Variants in PM20D2 observed in about 807,000 individuals in gnomAD.
PM20D2 encodes xaa-Arg dipeptidase.
In PM20D2, 33 loss-of-function variants were observed where a neutral mutation model predicts 42.9. The ratio of observed to expected loss-of-function variants is 0.77; its 90% CI spans 0.58 to 1.03. The LOEUF is 1.03. Among genes scored for constraint, PM20D2 ranks in the 50% least tolerant of loss-of-function variants. The probability of loss-of-function intolerance (pLI) is 0.00; values close to 1 mark genes in which losing one functional copy is unlikely to be tolerated. For synonymous variants in PM20D2, 250 were observed against 228.2 expected, an observed-to-expected ratio of 1.10 and a Z score of -0.86; for missense variants, 548 against 557.0, an observed-to-expected ratio of 0.98 and a Z score of 0.16.
At chr6:89,147,824 C>T (rs1227880821) in intron 1 of PM20D2, among the ~76,000 whole-genome samples, 9 of 150,598 alleles carry the variant, frequency 6.0e-5, no homozygotes, top group African/African-American at 2.2e-4. Flanking sequence ...ACCCAGGAGG[C>T]AGAGGTTGCA....
At chr6:89,132,137 G>A in the PM20D2 span, among the ~76,000 whole-genome samples, 96,731 of 151,978 alleles carry the variant, frequency 0.64, 31,798 homozygotes, top group South Asian at 0.76. Context: ...CCCAATAAAA[G>A]AACCTAATGA....
chr6:89,130,699 A>AT, the PM20D2 span, among the ~76,000 whole-genome samples: 5 of 151,190 alleles, frequency 3.3e-5, no homozygotes, highest in Non-Finnish European at 7.4e-5. Context: ...AGCTTAAGTG[A>AT]TCTTCCTGTG....
intron 1 of PM20D2, chr6:89,148,471 C>T: frequency 1.2e-6 from 1 of 854,418 alleles, no homozygotes; most frequent in Non-Finnish European, 1.4e-6. Flanking sequence ...AGCAGTTAAG[C>T]TTAAATATCA....
chr6:89,115,168 G>A, the PM20D2 span, among the ~76,000 whole-genome samples: 12 of 152,154 alleles, frequency 7.9e-5, no homozygotes, highest in East Asian at 1.9e-3. Context: ...TGTGATCATC[G>A]TTCACTGTAA....
At chr6:89,101,242 C>T in the PM20D2 span, among the ~76,000 whole-genome samples, 1 of 152,022 alleles carries the variant, frequency 6.6e-6, no homozygotes, top group Non-Finnish European at 1.5e-5. Flanking sequence ...CATACAGTCA[C>T]ACAAGCCAGA....
At chr6:89,115,225 T>A in the PM20D2 span, among the ~76,000 whole-genome samples, 1 of 152,154 alleles carries the variant, frequency 6.6e-6, no homozygotes, top group East Asian at 1.9e-4. Context: ...CCACCTCAGC[T>A]TTCCCAGTAA....
At chr6:89,150,889 C>G (rs1291435637) in intron 2 of PM20D2, among the ~76,000 whole-genome samples, 1 of 151,408 alleles carries the variant, frequency 6.6e-6, no homozygotes, top group Non-Finnish European at 1.5e-5. Flanking sequence ...TGCAGTGGCT[C>G]ACACCTGTAA....
At chr6:89,099,498 ATGTGTG>A in the PM20D2 span, among the ~76,000 whole-genome samples, 1 of 111,250 alleles carries the variant, frequency 9.0e-6, no homozygotes, top group African/African-American at 4.1e-5. Flanking sequence ...GTATATATAT[ATGTGTG>A]TATATATATA....
the PM20D2 span, among the ~76,000 whole-genome samples, chr6:89,108,139 T>G: frequency 6.6e-6 from 1 of 152,186 alleles, no homozygotes; most frequent in Non-Finnish European, 1.5e-5. Context: ...CCTGCTTATG[T>G]GCCTTCTAGT....
upstream of PM20D2, among the ~76,000 whole-genome samples, chr6:89,143,964 T>A (rs1562241016): frequency 1.3e-5 from 2 of 152,318 alleles, no homozygotes; most frequent in Admixed American, 6.5e-5. Flanking sequence ...ACAGAGGAAA[T>A]GCTGACCATA....
chr6:89,152,109 C>A (rs1015630117), intron 2 of PM20D2, among the ~76,000 whole-genome samples: 1 of 151,574 alleles, frequency 6.6e-6, no homozygotes, highest in African/African-American at 2.4e-5. Context: ...AAAAAAAATT[C>A]ATTTCAAGGT....
At chr6:89,123,076 T>C in the PM20D2 span, among the ~76,000 whole-genome samples, 2 of 152,330 alleles carry the variant, frequency 1.3e-5, no homozygotes, top group East Asian at 3.9e-4. Flanking sequence ...ACTAACTTTT[T>C]CAGAAAAGTC....
chr6:89,123,638 C>T, the PM20D2 span, among the ~76,000 whole-genome samples: 1 of 146,498 alleles, frequency 6.8e-6, no homozygotes, highest in Non-Finnish European at 1.5e-5. Context: ...ACAAGAATCT[C>T]ATGAACCCAA....
chr6:89,128,398 AT>A, the PM20D2 span, among the ~76,000 whole-genome samples: 1 of 152,184 alleles, frequency 6.6e-6, no homozygotes, highest in African/African-American at 2.4e-5. Flanking sequence ...TTGTGGTCAG[AT>A]CAGTTCTCTG....
At chr6:89,107,393 G>C in the PM20D2 span, 4 of 654,774 alleles carry the variant, frequency 6.1e-6, no homozygotes, top group East Asian at 1.1e-4. Context: ...TTTTTTGTAA[G>C]AATCATGCAA....
In PM20D2 at chr6:89,163,279, G is replaced by A. The variant is rs1278151749; in HGVS notation, c.*1016G>A. 6.6e-6 allele frequency: 1 copy of A among 152,092 alleles called. No individual in the cohort carries two copies. Among genetic ancestry groups the A allele is most frequent in the African/African-American group, 2.4e-5 (1 of 41,408 alleles). The allele number at this position is 152,092 out of a possible 1,614,324, so 9.4% of individuals were successfully genotyped here. A position where few individuals can be genotyped will look rare whatever the true frequency, so the allele number is the denominator to read the frequency against. On this transcript the variant is annotated 3_prime_UTR_variant, in exon 7 of 7. Transcript: ENST00000275072. ...TTACAGTCATCTCTTGTACAACGTG[G>A]AGAAGAAAAGATATACTTACTACTT...
the PM20D2 span, among the ~76,000 whole-genome samples, chr6:89,109,654 G>T: frequency 6.6e-6 from 1 of 152,298 alleles, no homozygotes; most frequent in Admixed American, 6.5e-5. Flanking sequence ...GATGGAACAG[G>T]TCTTTTCAAA....
chr6:89,159,331 A>G (rs887953087), intron 5 of PM20D2, among the ~76,000 whole-genome samples: 1 of 152,216 alleles, frequency 6.6e-6, no homozygotes, highest in African/African-American at 2.4e-5. Context: ...AGAGAGGAGA[A>G]GTCATGGAAG....
In PM20D2 at chr6:89,161,885, C is replaced by G; in HGVS notation, c.1151C>G (p.Ala384Gly). The change falls in exon 6 of 7, where the codon GCT becomes GGT. Residue 384 changes from alanine to glycine, a missense_variant. This residue lies in a region of PM20D2 where 71 missense variants were observed against 69.7 expected (regional missense o/e 1.02). Transcript: ENST00000275072. ...AATCATACTGAACAGTACACTGAAG[C>G]TGCTGGTAAGTGTTGTTGGATGTGA... ...ALNHTEQYTE[A>G]AGSQEAQFYT... The G allele has an allele frequency of 1.2e-6, 2 of 1,605,762 alleles. No individual in the cohort carries two copies. Among genetic ancestry groups the G allele is most frequent in the Non-Finnish European group, 1.7e-6 (2 of 1,172,514 alleles).
Sources: allele counts gnomAD v4.1 joint callset (sites outside exome capture counted in the v4.1 genomes callset), GRCh38; gene constraint gnomAD v4.1.1; regional missense constraint gnomAD v4.1.1; transcripts MANE v1.5; gene names NCBI Gene and HGNC (gene_info 2026-07-23, HGNC 2026-07-21).